Variants in DCAF1 observed in about 807,000 individuals in gnomAD.
DCAF1 encodes DDB1- and CUL4-associated factor 1.
In DCAF1, 15 loss-of-function variants were observed where a neutral mutation model predicts 128.0. The ratio of observed to expected loss-of-function variants is 0.12; its 90% CI spans 0.08 to 0.18. The LOEUF (loss-of-function observed/expected upper bound fraction) is 0.18. DCAF1 is among the 10% of genes least tolerant of loss of function. The probability of loss-of-function intolerance (pLI) is 1.00; values close to 1 mark genes in which losing one functional copy is unlikely to be tolerated. For synonymous variants in DCAF1, 610 were observed against 603.0 expected (o/e 1.01, Z -0.17); for missense variants, 988 against 1,649.5 (o/e 0.60, Z 6.95).
chr3:51,489,218 G>A (rs901365096), intron 2 of DCAF1, among the ~76,000 whole-genome samples: 4 of 152,272 alleles, frequency 2.6e-5, no homozygotes, highest in African/African-American at 9.6e-5. Context: ...TAGATCACTT[G>A]AGAACAGGAG....
intron 5 of DCAF1, 89 bp downstream of exon 5, chr3:51,466,714 T>C (rs1232722179): frequency 2.9e-6 from 4 of 1,360,714 alleles, no homozygotes; most frequent in Non-Finnish European, 2.1e-6. Flanking sequence ...GTCAAGGCCT[T>C]AGGAGAAGGC....
Position 51,413,373 on chromosome 3 carries a change from T to G in DCAF1, c.3945A>C (p.Ala1315=). 1.2e-6 allele frequency: 2 copies of G among 1,613,054 alleles called. No homozygotes were observed. The highest frequency in any genetic ancestry group is 1.7e-6 in the Non-Finnish European group (2 of 1,179,492). Residue 1315 remains alanine, a synonymous_variant, in exon 21 of 25, where the codon GCA becomes GCC. Transcript: ENST00000684031. ...GTVMYGAMLQ[A]DDEDDLMEER... ...CTTCCATTAAGTCATCTTCATCATC[T>G]GCCTGCAACATAGCTTGAGGGGGAG...
At chr3:51,495,934 C>G (rs1708186437) in intron 2 of DCAF1, among the ~76,000 whole-genome samples, 1 of 151,226 alleles carries the variant, frequency 6.6e-6, no homozygotes, top group South Asian at 2.1e-4. Flanking sequence ...GTGGAGGCTG[C>G]AGTGAGCCAT....
At chr3:51,480,477 T>G (rs1553652374) in intron 3 of DCAF1, among the ~76,000 whole-genome samples, 1 of 150,740 alleles carries the variant, frequency 6.6e-6, no homozygotes, top group East Asian at 2.0e-4. Context: ...TGGGCGCCTG[T>G]AATCCCAGCT....
chr3:51,473,917 C>T (rs1468366411), intron 3 of DCAF1, among the ~76,000 whole-genome samples: 3 of 152,176 alleles, frequency 2.0e-5, no homozygotes, highest in Middle Eastern at 3.4e-3. Context: ...GATTCTCCTG[C>T]CTCAGCCTCC....
chr3:51,406,561 C>T (rs1553626712), intron 23 of DCAF1, among the ~76,000 whole-genome samples: 1 of 151,838 alleles, frequency 6.6e-6, no homozygotes, highest in African/African-American at 2.4e-5. Context: ...TCCTTAATTC[C>T]ACCTACATCA....
At position 51,429,432 on chromosome 3, in the gene DCAF1, A is replaced by G; in HGVS notation, c.1506T>C (p.Gly502=). The G allele has an allele frequency of 1.3e-6, 1 of 780,902 alleles. No individual in the cohort carries two copies. The allele number at this position is 780,902 out of a possible 1,614,324, so 48.4% of individuals were successfully genotyped here. A position where few individuals can be genotyped will look rare whatever the true frequency, so the allele number is the denominator to read the frequency against. The change falls in exon 12 of 25, where the codon GGT becomes GGC. Residue 502 remains glycine (G), a synonymous_variant. Transcript: ENST00000684031. ...ATATTTCATCATCACTCAGAAGTGC[A>G]CCCTGATCTTCCAAATTTAGAATCT... ...TLEILNLEDQ[G]ALLSDDEIFA...
chr3:51,456,177 C>T (rs1268362140), intron 6 of DCAF1, among the ~76,000 whole-genome samples: 2 of 152,204 alleles, frequency 1.3e-5, no homozygotes, highest in Non-Finnish European at 2.9e-5. Flanking sequence ...CGGTGACAGA[C>T]AGCACCTGGA....
At chr3:51,501,447 G>A (rs1708803804), upstream of DCAF1, among the ~76,000 whole-genome samples, 1 of 152,090 alleles carries the variant, frequency 6.6e-6, no homozygotes, top group Admixed American at 6.5e-5. Context: ...AGCGTTCAAG[G>A]CCTTATGCAG....
chr3:51,421,502 C>T (rs781883581), intron 14 of DCAF1, among the ~76,000 whole-genome samples: 2 of 152,184 alleles, frequency 1.3e-5, no homozygotes, highest in Non-Finnish European at 2.9e-5. Flanking sequence ...GGTGATCCAC[C>T]CGCCTCGGCC....
chr3:51,427,701 C>T (rs1553634504), intron 12 of DCAF1, among the ~76,000 whole-genome samples, 160 bp from the exon 13 acceptor site: 3 of 152,138 alleles, frequency 2.0e-5, no homozygotes, highest in East Asian at 1.9e-4. Context: ...GGCTTGATCA[C>T]GGCTCACTGT....
Position 51,422,341 on chromosome 3 carries a change from C to T in DCAF1, c.1938G>A (p.Val646=). 1.3e-6 allele frequency: 1 copy of T among 765,596 alleles called. No individual in the cohort carries two copies. The highest frequency in any genetic ancestry group is 1.4e-5 in the South Asian group (1 of 71,204). The allele number at this position is 765,596 out of a possible 1,614,324, so 47.4% of individuals were successfully genotyped here. The stretch of plus-strand genomic sequence containing the variant: ...AGACTGTAGATCCAGCCTCATCCAA[C>T]ACGTCCACTGATTCTGCCAACTGGA... ...IQLQLAESVD[V]LDEAGSTVST... is the part of the protein sequence containing the mutation. The change falls in exon 14 of 25, where the codon GTG becomes GTA. Residue 646 remains valine, a synonymous_variant. Transcript: ENST00000684031.
intron 6 of DCAF1, among the ~76,000 whole-genome samples, chr3:51,456,727 C>T (rs560519795): frequency 4.6e-5 from 7 of 152,290 alleles, no homozygotes; most frequent in African/African-American, 1.7e-4. Context: ...TCCAGAGGAA[C>T]GATCAGGCAG....
At chr3:51,429,755 T>G (rs1231936318) in intron 11 of DCAF1, among the ~76,000 whole-genome samples, 1 of 151,968 alleles carries the variant, frequency 6.6e-6, no homozygotes, top group Non-Finnish European at 1.5e-5. Context: ...TGTACAGGAA[T>G]AAAACTATTG....
At chr3:51,411,745 G>GT (rs1371028258) in intron 23 of DCAF1, among the ~76,000 whole-genome samples, 1 of 152,064 alleles carries the variant, frequency 6.6e-6, no homozygotes, top group African/African-American at 2.4e-5. Flanking sequence ...TGATTGTTCT[G>GT]TTTTTTATTG....
At position 51,499,941 on chromosome 3, in the gene DCAF1, C is replaced by G. The variant is rs1393752138; in HGVS notation, c.-124G>C. On this transcript the variant is annotated 5_prime_UTR_variant, in exon 1 of 25. Coordinates refer to ENST00000684031, the MANE Select transcript of DCAF1 (RefSeq NM_001387579.1). ...TGGCCACAGTTCACACACACACAGC[C>G]TCAGGTCCCGCACTCACTCTCCACT... 1 of 148,654 alleles carries G rather than the reference C, an allele frequency of 6.7e-6. No individual in the cohort carries two copies. Among genetic ancestry groups the G allele is most frequent in the Non-Finnish European group, 1.5e-5 (1 of 67,012 alleles). 9.2% of individuals were successfully genotyped at this position (148,654 alleles called of 1,614,324 possible).
intron 3 of DCAF1, among the ~76,000 whole-genome samples, chr3:51,483,388 C>T (rs1223306214): frequency 3.4e-5 from 5 of 148,726 alleles, no homozygotes; most frequent in South Asian, 4.3e-4. Context: ...TGCAGTGAGC[C>T]GAGATCACAC....
At chr3:51,446,019 A>G (rs540315750) in intron 6 of DCAF1, among the ~76,000 whole-genome samples, 1 of 124,886 alleles carries the variant, frequency 8.0e-6, no homozygotes, top group Non-Finnish European at 1.6e-5. Flanking sequence ...TTCCAGACAG[A>G]GTCTTGCTCT....
At chr3:51,499,698 C>T (rs1708644081) in intron 1 of DCAF1, among the ~76,000 whole-genome samples, 175 bp downstream of exon 1, 2 of 151,810 alleles carry the variant, frequency 1.3e-5, no homozygotes, top group African/African-American at 4.8e-5. Context: ...AGGAAAAGTC[C>T]TGTCAGGCCC....
Sources: gnomAD v4.1 joint callset for allele counts (sites outside exome capture counted in the v4.1 genomes callset) on GRCh38, gnomAD v4.1.1 for gene constraint, MANE v1.5 for transcripts, NCBI Gene and HGNC (gene_info 2026-07-23, HGNC 2026-07-21) for gene names.